ZNF385D: variants seen among roughly 807,000 people sequenced by gnomAD.
ZNF385D encodes zinc finger protein 659.
ZNF385D carries 15 observed loss-of-function variants against 35.8 expected under a neutral mutation model. That is an observed-to-expected ratio of 0.42 (90% CI 0.28 to 0.64). The LOEUF (loss-of-function observed/expected upper bound fraction) is 0.64, where lower values mean the gene tolerates loss of function less well. ZNF385D is among the 30% of genes least tolerant of loss of function. The probability of loss-of-function intolerance (pLI) is 0.23; values close to 1 mark genes in which losing one functional copy is unlikely to be tolerated. For synonymous variants in ZNF385D, 212 were observed against 186.8 expected, an observed-to-expected ratio of 1.13 and a Z score of -1.10; for missense variants, 474 against 494.6, an observed-to-expected ratio of 0.96 and a Z score of 0.39.
At chr3:21,813,667 A>G (rs554829927) in intron 3 of ZNF385D, among the ~76,000 whole-genome samples, 1 of 151,950 alleles carries the variant, frequency 6.6e-6, no homozygotes, top group South Asian at 2.1e-4. Flanking sequence ...GAGTAAAAAG[A>G]AATGAACAAA....
chr3:21,618,123 T>C (rs896835265), intron 2 of ZNF385D, among the ~76,000 whole-genome samples: 3 of 152,216 alleles, frequency 2.0e-5, no homozygotes, highest in Admixed American at 6.5e-5. Context: ...AGCAAGAGTG[T>C]AAATTTTACT....
intron 3 of ZNF385D, among the ~76,000 whole-genome samples, chr3:22,120,121 T>C (rs113547673): frequency 8.9e-4 from 135 of 152,074 alleles, no homozygotes; most frequent in African/African-American, 3.1e-3. Context: ...TGATTCACCA[T>C]GTCCTGCTGC....
intron 2 of ZNF385D, among the ~76,000 whole-genome samples, chr3:22,192,313 C>G (rs1364441225): frequency 6.6e-6 from 1 of 152,106 alleles, no homozygotes; most frequent in Non-Finnish European, 1.5e-5. Context: ...ACAAAGAAAT[C>G]ATATTGTAGC....
At chr3:22,044,596 G>T (rs1698870194) in intron 3 of ZNF385D, among the ~76,000 whole-genome samples, 2 of 152,078 alleles carry the variant, frequency 1.3e-5, no homozygotes, top group African/African-American at 4.8e-5. Flanking sequence ...TATTATGTAG[G>T]GAAGGTGGTG....
chr3:21,580,857 C>T (rs1346972065), intron 2 of ZNF385D, among the ~76,000 whole-genome samples: 1 of 151,486 alleles, frequency 6.6e-6, no homozygotes, highest in African/African-American at 2.4e-5. Context: ...TTTATGTAAC[C>T]ATATTTACCC....
intron 3 of ZNF385D, among the ~76,000 whole-genome samples, chr3:22,027,344 C>T (rs942744259): frequency 2.0e-5 from 3 of 152,204 alleles, no homozygotes; most frequent in Admixed American, 6.5e-5. Context: ...TCTGCAACAG[C>T]TCCAGGCTGC....
At chr3:22,077,463 G>C (rs1409328648) in intron 3 of ZNF385D, among the ~76,000 whole-genome samples, 1 of 151,952 alleles carries the variant, frequency 6.6e-6, no homozygotes, top group Admixed American at 6.6e-5. Flanking sequence ...ATTTGGTCCA[G>C]TTCAGGCACA....
chr3:21,470,745 G>A (rs1703830203), intron 4 of ZNF385D, among the ~76,000 whole-genome samples: 2 of 152,126 alleles, frequency 1.3e-5, no homozygotes, highest in Middle Eastern at 6.8e-3. Context: ...TTTGACTACG[G>A]AGGCAAAATA....
intron 3 of ZNF385D, among the ~76,000 whole-genome samples, chr3:22,160,246 G>C (rs182798531): frequency 3.9e-5 from 6 of 152,196 alleles, no homozygotes; most frequent in Admixed American, 6.6e-5. Flanking sequence ...TACTGATATA[G>C]ATAAGGTATC....
At chr3:22,027,783 C>T (rs906249878) in intron 3 of ZNF385D, among the ~76,000 whole-genome samples, 1 of 152,192 alleles carries the variant, frequency 6.6e-6, no homozygotes, top group African/African-American at 2.4e-5. Flanking sequence ...TGCCCATGGT[C>T]TCCACTCCTG....
intron 3 of ZNF385D, among the ~76,000 whole-genome samples, chr3:21,938,866 T>G (rs1309279012): frequency 1.3e-5 from 2 of 152,244 alleles, no homozygotes; most frequent in African/African-American, 2.4e-5. Context: ...CAACTTTTAC[T>G]TTAATTTTAT....
chr3:22,018,082 G>A (rs1020169330), intron 3 of ZNF385D, among the ~76,000 whole-genome samples: 7 of 151,252 alleles, frequency 4.6e-5, no homozygotes, highest in Non-Finnish European at 1.0e-4. Flanking sequence ...ATTATTTTCT[G>A]GCTTGATAAG....
intron 2 of ZNF385D, among the ~76,000 whole-genome samples, chr3:22,171,029 C>T (rs777875872): frequency 3.3e-5 from 5 of 152,188 alleles, no homozygotes; most frequent in Admixed American, 6.6e-5. Context: ...AGAATTATTT[C>T]ATTCTGAGTG....
intron 3 of ZNF385D, among the ~76,000 whole-genome samples, chr3:21,812,865 T>A (rs766922077): frequency 1.1e-4 from 16 of 152,048 alleles, no homozygotes; most frequent in Non-Finnish European, 1.8e-4. Context: ...CAGCATGGAG[T>A]TTGAGATCTG....
chr3:22,069,650 C>T (rs924205273), intron 3 of ZNF385D, among the ~76,000 whole-genome samples: 7 of 152,176 alleles, frequency 4.6e-5, no homozygotes, highest in Admixed American at 2.6e-4. Flanking sequence ...CCACAATGAC[C>T]TCTTCATTCT....
Position 21,421,188 on chromosome 3 carries a change from G to A in ZNF385D, c.*26C>T, listed in dbSNP as rs746535700. 4 of 1,577,056 alleles carry A rather than the reference G, an allele frequency of 2.5e-6. No homozygotes were observed. The highest frequency in any genetic ancestry group is 3.5e-6 in the Non-Finnish European group (4 of 1,148,462). ...GTTTTTTGTTTTTTGAAAAATTATT[G>A]CAGTACAATTACTCCTATTTGGAAT... is the stretch of plus-strand genomic sequence containing the variant. On this transcript the variant is annotated 3_prime_UTR_variant, in exon 8 of 8. Coordinates refer to ENST00000281523, the MANE Select transcript of ZNF385D (RefSeq NM_024697.3).
At chr3:21,586,390 G>A (rs147401381) in intron 2 of ZNF385D, among the ~76,000 whole-genome samples, 27 of 152,142 alleles carry the variant, frequency 1.8e-4, no homozygotes, top group African/African-American at 5.8e-4. Flanking sequence ...ATGGTATTGC[G>A]GTTTTCAGAC....
intron 1 of ZNF385D, among the ~76,000 whole-genome samples, chr3:21,669,180 T>C (rs183261363): frequency 2.0e-5 from 3 of 152,322 alleles, no homozygotes; most frequent in African/African-American, 7.2e-5. Context: ...TCAGAGAAGT[T>C]ACTATCTCTA....
intron 2 of ZNF385D, among the ~76,000 whole-genome samples, chr3:22,220,231 T>C (rs890290712): frequency 6.6e-6 from 1 of 151,974 alleles, no homozygotes; most frequent in African/African-American, 2.4e-5. Flanking sequence ...ACCAGGCTAA[T>C]GATTTCGAGT....
Sources: allele counts gnomAD v4.1 joint callset (sites outside exome capture counted in the v4.1 genomes callset), GRCh38; gene constraint gnomAD v4.1.1; transcripts MANE v1.5; gene names NCBI Gene and HGNC (gene_info 2026-07-23, HGNC 2026-07-21).